The following ZNF641 variants were observed in gnomAD, a reference collection of about 807,000 sequenced individuals.
ZNF641 encodes zinc finger protein 641.
Under a neutral mutation model 46.2 loss-of-function variants are expected in ZNF641, and 26 were observed. That is an observed-to-expected ratio of 0.56 (90% CI 0.41 to 0.78). The LOEUF is 0.78. Ranked by LOEUF, ZNF641 falls within the 30% of genes least tolerant of loss-of-function variation. ZNF641 has a pLI of 0.00. For synonymous variants in ZNF641, 163 were observed against 187.9 expected (o/e 0.87, Z 1.09); for missense variants, 469 against 517.8 (o/e 0.91, Z 0.91).
At chr12:48,347,052 C>T in intron 3 of ZNF641, 200 bp downstream of exon 3, 2 of 1,014,204 alleles carry the variant, frequency 2.0e-6, no homozygotes, top group Non-Finnish European at 2.7e-6. Flanking sequence ...ACCCTAACCT[C>T]AAGGAATTCC....
downstream of ZNF641, among the ~76,000 whole-genome samples, chr12:48,335,232 T>A (rs938517445): frequency 6.6e-6 from 1 of 152,212 alleles, no homozygotes; most frequent in Non-Finnish European, 1.5e-5. Context: ...TAAGAGCTTT[T>A]CTGTTGCTTA....
At position 48,344,087 on chromosome 12, in the gene ZNF641, A is replaced by G. The variant is rs546778518; in HGVS notation, c.521-360T>C. Among the ~76,000 whole-genome samples, 6 of 152,310 alleles carry G rather than the reference A, an allele frequency of 3.9e-5. No homozygotes were observed. In the East Asian group the frequency reaches 7.7e-4, roughly 20 times the overall value. ...ATTGTATATGTTATTGTTATTATTT[A>G]TTACCATTATTTATTTACTACTGTA... On this transcript the variant is annotated intron_variant, in intron 5 of 5. Coordinates refer to ENST00000547026, the MANE Select transcript of ZNF641 (RefSeq NM_001172681.2).
chr12:48,349,633 C>A (rs1952973704), intron 1 of ZNF641, among the ~76,000 whole-genome samples: 1 of 152,218 alleles, frequency 6.6e-6, no homozygotes, highest in Non-Finnish European at 1.5e-5. Flanking sequence ...TGGCTCAGGG[C>A]CTCATGGGAG....
intron 2 of ZNF641, among the ~76,000 whole-genome samples, chr12:48,347,662 A>G (rs1952916009): frequency 1.3e-5 from 2 of 152,240 alleles, no homozygotes; most frequent in Admixed American, 1.3e-4. Flanking sequence ...CTCATTCAGT[A>G]TCACTAATTA....
chr12:48,334,821 T>C (rs10083019), downstream of ZNF641, among the ~76,000 whole-genome samples: 287 of 152,308 alleles, frequency 1.9e-3, 2 homozygotes, highest in African/African-American at 5.6e-3. Context: ...AGGAGGTTCT[T>C]GGGAGAGAGA....
In ZNF641 at chr12:48,343,008, G is replaced by A. The variant is rs143785133; in HGVS notation, c.1240C>T (p.Arg414Trp). Residue 414 changes from arginine (R) to tryptophan (W), a missense_variant, in exon 6 of 6, where the codon CGG (arginine) becomes TGG (tryptophan). Coordinates refer to ENST00000547026, the MANE Select transcript of ZNF641 (RefSeq NM_001172681.2). ...HLLTHQGQSPRNSWDRGTSVF is the reference protein window; with the variant it reads ...HLLTHQGQSPWNSWDRGTSVF Reference sequence around the variant, plus strand: ...GATGTTCCTCTGTCCCAGCTGTTCCGGGGACTTTGTCCCTGGTGGGTGAGC... The same window carrying A: ...GATGTTCCTCTGTCCCAGCTGTTCCAGGGACTTTGTCCCTGGTGGGTGAGC... 2.1e-4 allele frequency: 344 copies of A among 1,613,820 alleles called. No individual in the cohort carries two copies. In the African/African-American group the frequency reaches 4.0e-3, roughly 19 times the overall value.
At chr12:48,346,738 C>T (rs1380433258) in intron 3 of ZNF641, among the ~76,000 whole-genome samples, 4 of 152,162 alleles carry the variant, frequency 2.6e-5, no homozygotes, top group African/African-American at 4.8e-5. Context: ...TGGCCAGGCA[C>T]GGTGGCTCAT....
In ZNF641 at chr12:48,339,086, AG is replaced by A. The variant is rs1952663875; in HGVS notation, c.*3886del. 6.6e-6 allele frequency: 1 copy of A among 152,218 alleles called. No homozygotes were observed. 9.4% of individuals were successfully genotyped at this position (152,218 alleles called of 1,614,324 possible). A position where few individuals can be genotyped will look rare whatever the true frequency, so the allele number is the denominator to read the frequency against. On this transcript the variant is annotated 3_prime_UTR_variant, in exon 6 of 6. Coordinates refer to ENST00000547026, the MANE Select transcript of ZNF641 (RefSeq NM_001172681.2). The stretch of plus-strand genomic sequence containing the variant: ...CCTCAGTGCCCATATTGGAAGCCCC[AG>A]CCCCAATGAATCACAGGAGCTTGGT...
rs1447682833 is a variant in ZNF641 at position 48,342,891 on chromosome 12, G to A, written c.*82C>T. On this transcript the variant is annotated 3_prime_UTR_variant, in exon 6 of 6. Transcript: ENST00000547026. ...AGGGCTTATGATTCTGGCCACTGGG[G>A]TTCAGGAGAACGGCAGCCCTGGCAG... is the stretch of plus-strand genomic sequence containing the variant. 1.3e-6 allele frequency: 2 copies of A among 1,520,082 alleles called. No individual in the cohort carries two copies. Among genetic ancestry groups the A allele is most frequent in the Non-Finnish European group, 1.8e-6 (2 of 1,142,682 alleles). 94.2% of individuals were successfully genotyped at this position (1,520,082 alleles called of 1,614,324 possible). A position where few individuals can be genotyped will look rare whatever the true frequency, so the allele number is the denominator to read the frequency against.
intron 1 of ZNF641, chr12:48,350,204 T>C (rs1041024304): frequency 6.6e-7 from 1 of 1,522,192 alleles, no homozygotes; most frequent in Non-Finnish European, 8.8e-7. Context: ...TTCACACATA[T>C]GGGTAGCAAG....
intron 5 of ZNF641, among the ~76,000 whole-genome samples, chr12:48,344,247 C>T (rs960682486): frequency 4.6e-5 from 7 of 152,168 alleles, no homozygotes; most frequent in Non-Finnish European, 1.0e-4. Flanking sequence ...AGGTTGACAA[C>T]AATATCAACA....
intron 1 of ZNF641, chr12:48,350,325 G>A (rs1405111202): frequency 9.1e-7 from 1 of 1,100,554 alleles, no homozygotes; most frequent in East Asian, 2.9e-5. Flanking sequence ...GTCCATCAGA[G>A]AACCCTGGCC....
chr12:48,347,572 G>A (rs1952912998), intron 2 of ZNF641, among the ~76,000 whole-genome samples: 1 of 152,240 alleles, frequency 6.6e-6, no homozygotes, highest in Non-Finnish European at 1.5e-5. Flanking sequence ...GTACTTGAAT[G>A]TAATTTTCAT....
chr12:48,348,115 C>T lies in ZNF641; in HGVS notation c.-25G>A, dbSNP rs762088626. The stretch of plus-strand genomic sequence containing the variant: ...TTTCTGCTGCAGACCCAAATTGTGA[C>T]CTGGAACAAATTCATATCAGCAATG... On this transcript the variant is annotated splice_region_variant and 5_prime_UTR_variant, in exon 2 of 6. Coordinates refer to ENST00000547026, the MANE Select transcript of ZNF641 (RefSeq NM_001172681.2). The T allele has an allele frequency of 1.2e-6, 2 of 1,613,832 alleles. No individual in the cohort carries two copies. The highest frequency in any genetic ancestry group is 1.7e-6 in the Non-Finnish European group (2 of 1,180,040).
At chr12:48,351,026 G>GAGGGAGAGGAGTGGGA (rs1953024623), upstream of ZNF641, 1 of 111,752 alleles carries the variant, frequency 8.9e-6, no homozygotes, top group Non-Finnish European at 1.8e-5. Flanking sequence ...AGAGGAGTGG[G>GAGGGAGAGGAGTGGGA]AGGGAGGGAG....
In ZNF641 at chr12:48,343,293, A is replaced by T. The variant is rs770167801; in HGVS notation, c.955T>A (p.Ser319Thr). 5 of 1,614,096 alleles carry T rather than the reference A, an allele frequency of 3.1e-6. No individual in the cohort carries two copies. Among genetic ancestry groups the T allele is most frequent in the Non-Finnish European group, 4.2e-6 (5 of 1,180,022 alleles). ...ACTCTCTGGTGGCTGGCCAGATGGG[A>T]GTTGCATCGGAAATTCTTACCACAC... ...SECGKNFRCNSHLASHQRVHA... is the reference protein window; with the variant it reads ...SECGKNFRCNTHLASHQRVHA... Residue 319 changes from serine (S) to threonine (T), a missense_variant, in exon 6 of 6, where the codon TCC (serine) becomes ACC (threonine). Physicochemically the swap from Ser to Thr is moderately conservative, Grantham distance 58. Coordinates refer to ENST00000547026, the MANE Select transcript of ZNF641 (RefSeq NM_001172681.2).
At position 48,339,856 on chromosome 12, in the gene ZNF641, G is replaced by A. The variant is rs1475595675; in HGVS notation, c.*3117C>T. The stretch of plus-strand genomic sequence containing the variant: ...AGAACTAAGGCGTAAAGTGTAAATA[G>A]CCTGGTGAAAAGCTAACACTTTCGG... On this transcript the variant is annotated 3_prime_UTR_variant, in exon 6 of 6. Transcript: ENST00000547026. 1 of 874,288 alleles carries A rather than the reference G, an allele frequency of 1.1e-6. No individual in the cohort carries two copies. The highest frequency in any genetic ancestry group is 1.4e-6 in the Non-Finnish European group (1 of 728,582). The allele number at this position is 874,288 out of a possible 1,614,324, so 54.2% of individuals were successfully genotyped here. A position where few individuals can be genotyped will look rare whatever the true frequency, so the allele number is the denominator to read the frequency against.
chr12:48,336,180 A>G (rs1462971962), downstream of ZNF641, among the ~76,000 whole-genome samples: 1 of 152,244 alleles, frequency 6.6e-6, no homozygotes, highest in Non-Finnish European at 1.5e-5. Flanking sequence ...AGCCTACTCT[A>G]CTGGTAAGGC....
chr12:48,349,060 G>A (rs577893258), intron 1 of ZNF641, among the ~76,000 whole-genome samples: 31 of 152,260 alleles, frequency 2.0e-4, no homozygotes, highest in Non-Finnish European at 2.8e-4. Context: ...TAAAAATGTC[G>A]GATGTAGTTT....
Sources: gnomAD v4.1 joint callset for allele counts (sites outside exome capture counted in the v4.1 genomes callset) on GRCh38, gnomAD v4.1.1 for gene constraint, MANE v1.5 for transcripts, NCBI Gene and HGNC (gene_info 2026-07-23, HGNC 2026-07-21) for gene names.